Variants in CCDC34 observed in about 807,000 individuals in gnomAD.
CCDC34 encodes the protein coiled-coil domain-containing protein 34.
A neutral mutation model predicts 44.1 loss-of-function variants in CCDC34; 40 were observed. The ratio of observed to expected loss-of-function variants is 0.91; its 90% confidence interval spans 0.70 to 1.18. The LOEUF (loss-of-function observed/expected upper bound fraction) is 1.18. Among genes scored for constraint, CCDC34 ranks in the 50% most tolerant of loss-of-function variants. CCDC34 has a pLI of 0.00. For synonymous variants in CCDC34, 159 were observed against 158.2 expected, an observed-to-expected ratio of 1.01 and a Z score of -0.04; for missense variants, 466 against 452.3, an observed-to-expected ratio of 1.03 and a Z score of -0.28.
chr11:27,351,939 G>A (rs1862507563), intron 2 of CCDC34, among the ~76,000 whole-genome samples: 1 of 152,084 alleles, frequency 6.6e-6, no homozygotes, highest in African/African-American at 2.4e-5. Context: ...AAAGTAAAGT[G>A]AACTATATGA....
At position 27,363,122 on chromosome 11, in the gene CCDC34, TG is replaced by T; in HGVS notation, c.72del (p.Arg25GlyfsTer13). The T allele has an allele frequency of 1.3e-6, 2 of 1,577,346 alleles. No individual in the cohort carries two copies. Among genetic ancestry groups the T allele is most frequent in the Non-Finnish European group, 1.7e-6 (2 of 1,161,722 alleles). On this transcript the variant is annotated frameshift_variant, in exon 1 of 6. Transcript: ENST00000328697. LOFTEE classifies it high-confidence loss of function. ...SYAGFSADCRPRSRPSSDSCS... is the reference protein window; with the variant it reads ...SYAGFSADCRXRSRPSSDSCS... The stretch of plus-strand genomic sequence containing the variant: ...CAGGAGTCCGAGGAGGGCCGAGACC[TG>T]GGTCTGCAGTCAGCAGAGAAACCGG...
chr11:27,349,330 T>A, intron 3 of CCDC34: 1 of 900,272 alleles, frequency 1.1e-6, no homozygotes, highest in Non-Finnish European at 1.3e-6. Flanking sequence ...ACAAAGTAAT[T>A]GACTTCTAAA....
chr11:27,344,683 A>C (rs1169419325), intron 3 of CCDC34, among the ~76,000 whole-genome samples: 1 of 152,056 alleles, frequency 6.6e-6, no homozygotes, highest in Non-Finnish European at 1.5e-5. Flanking sequence ...AAATTAAAGA[A>C]GACATAAATA....
rs865800545 is a variant in CCDC34, at chr11:27,360,373, G to A, written c.359+2463C>T. 1.8e-4 allele frequency among the ~76,000 whole-genome samples: 27 copies of A among 152,224 alleles called. No individual in the cohort carries two copies. In the South Asian group the frequency reaches 4.8e-3, roughly 27 times the overall value. ...GAAGGTCAATGCATCCTCTAAACATGGCACTATTTATACCAAAAATACCTT... is the reference window on the plus strand; with the variant it reads ...GAAGGTCAATGCATCCTCTAAACATAGCACTATTTATACCAAAAATACCTT... On this transcript the variant is annotated intron_variant, in intron 1 of 5. Transcript: ENST00000328697.
intron 1 of CCDC34, among the ~76,000 whole-genome samples, chr11:27,361,077 T>G (rs899276923): frequency 6.6e-6 from 1 of 152,248 alleles, no homozygotes; most frequent in African/African-American, 2.4e-5. Flanking sequence ...AAACGTTTAT[T>G]GAGCACCTAA....
chr11:27,345,620 A>T (rs12804551), intron 3 of CCDC34, among the ~76,000 whole-genome samples: 2 of 151,684 alleles, frequency 1.3e-5, no homozygotes, highest in African/African-American at 4.8e-5. Context: ...TGAACTCATC[A>T]TTTTTTATGG....
chr11:27,343,309 G>A (rs1862389700), intron 3 of CCDC34, among the ~76,000 whole-genome samples: 1 of 151,994 alleles, frequency 6.6e-6, no homozygotes, highest in African/African-American at 2.4e-5. Flanking sequence ...GGCTGAGGCA[G>A]GAGAATTGCT....
At chr11:27,345,489 T>C (rs1349312098) in intron 3 of CCDC34, among the ~76,000 whole-genome samples, 1 of 152,102 alleles carries the variant, frequency 6.6e-6, no homozygotes, top group Non-Finnish European at 1.5e-5. Flanking sequence ...CCTGTGTCCA[T>C]GTGTTCTCAT....
At chr11:27,355,628 T>C (rs1862564292) in intron 2 of CCDC34, among the ~76,000 whole-genome samples, 1 of 152,210 alleles carries the variant, frequency 6.6e-6, no homozygotes, top group Non-Finnish European at 1.5e-5. Context: ...TATTATTTTA[T>C]TCCTCTTAAG....
In CCDC34 at chr11:27,362,992, G is replaced by C; in HGVS notation, c.203C>G (p.Ser68Cys). Residue 68 changes from serine to cysteine, a missense_variant, in exon 1 of 6, where the codon TCT becomes TGT. By Grantham distance (112) the Ser-to-Cys change is moderately radical. Transcript: ENST00000328697. ...SCSNSTRSLL[S>C]PLGHQSFQFD... ...CTGGAAGCTCTGGTGGCCAAGGGGAGACAACAGCGACCTGGTGGAATTGCT... is the reference window on the plus strand; with the variant it reads ...CTGGAAGCTCTGGTGGCCAAGGGGACACAACAGCGACCTGGTGGAATTGCT... 1 of 1,614,174 alleles carries C rather than the reference G, an allele frequency of 6.2e-7. No homozygotes were observed. Among genetic ancestry groups the C allele is most frequent in the Non-Finnish European group, 8.5e-7 (1 of 1,180,018 alleles).
In CCDC34 at chr11:27,338,897, T is replaced by A. The variant is rs1369607714; in HGVS notation, c.1046A>T (p.His349Leu). Reference protein sequence around the residue: ...KSKRPVISQPHKSSSLVIHKA... With the variant: ...KSKRPVISQPLKSSSLVIHKA... The stretch of plus-strand genomic sequence containing the variant: ...ATGAATTACCAGAGATGATGACTTG[T>A]GTGGCTGACTTATCACAGGTCTTTT... Residue 349 changes from histidine to leucine, a missense_variant, in exon 6 of 6, where the codon CAC (histidine) becomes CTC (leucine). By Grantham distance (99) the His-to-Leu change is moderately conservative (BLOSUM62 -3). Transcript: ENST00000328697. The A allele has an allele frequency of 6.2e-7, 1 of 1,613,970 alleles. No homozygotes were observed. The highest frequency in any genetic ancestry group is 8.5e-7 in the Non-Finnish European group (1 of 1,179,920).
In CCDC34 at chr11:27,341,411, T is replaced by A. The variant is rs1372357301; in HGVS notation, c.746A>T (p.Glu249Val). ...WLKKKNAEEC[E>V]RKKKEKEKEK... ...AAATACCTTTTCTTTCTTCTTCCTC[T>A]CACATTCTTCAGCATTTTTTTTCTT... The change falls in exon 4 of 6, where the codon GAG becomes GTG. Residue 249 changes from glutamate (E) to valine (V), a missense_variant. Transcript: ENST00000328697. 6.8e-7 allele frequency: 1 copy of A among 1,463,266 alleles called. No homozygotes were observed. Among genetic ancestry groups the A allele is most frequent in the Admixed American group, 2.3e-5 (1 of 43,188 alleles). The allele number at this position is 1,463,266 out of a possible 1,614,324, so 90.6% of individuals were successfully genotyped here.
Position 27,341,414 on chromosome 11 carries a change from C to T in CCDC34, c.743G>A (p.Cys248Tyr). Residue 248 changes from cysteine to tyrosine, a missense_variant, in exon 4 of 6, where the codon TGT becomes TAT. Physicochemically the swap from Cys to Tyr is radical, Grantham distance 194 (BLOSUM62 -2). Coordinates refer to ENST00000328697, the MANE Select transcript of CCDC34 (RefSeq NM_030771.2). The part of the protein sequence containing the change: ...EWLKKKNAEE[C>Y]ERKKKEKEKE... ...TACCTTTTCTTTCTTCTTCCTCTCA[C>T]ATTCTTCAGCATTTTTTTTCTTTAA... is the stretch of plus-strand genomic sequence containing the variant. The T allele has an allele frequency of 6.9e-7, 1 of 1,457,884 alleles. No homozygotes were observed. The highest frequency in any genetic ancestry group is 9.2e-7 in the Non-Finnish European group (1 of 1,082,556). The allele number at this position is 1,457,884 out of a possible 1,614,324, so 90.3% of individuals were successfully genotyped here.
Position 27,362,918 on chromosome 11 carries a change from C to T in CCDC34, c.277G>A (p.Glu93Lys), listed in dbSNP as rs1425924009. 6.3e-7 allele frequency: 1 copy of T among 1,592,114 alleles called. No individual in the cohort carries two copies. The highest frequency in any genetic ancestry group is 1.6e-5 in the African/African-American group (1 of 62,508). Residue 93 changes from glutamate (E) to lysine (K), a missense_variant, in exon 1 of 6, where the codon GAG (glutamate) becomes AAG (lysine). By Grantham distance (56) the Glu-to-Lys change is moderately conservative. Transcript: ENST00000328697. ...DGEDEEDVDDEEDVDEDAHDS... is the reference protein window; with the variant it reads ...DGEDEEDVDDKEDVDEDAHDS... The stretch of plus-strand genomic sequence containing the variant: ...TGGGCATCTTCATCCACGTCTTCCT[C>T]ATCATCCACGTCTTCCTCATCCTCC...
intron 3 of CCDC34, among the ~76,000 whole-genome samples, chr11:27,347,470 T>A (rs1273038886): frequency 6.6e-6 from 1 of 152,102 alleles, no homozygotes; most frequent in Non-Finnish European, 1.5e-5. Context: ...CAATTGTCCA[T>A]CAACTAGTGA....
At chr11:27,356,346 A>C (rs1372608468) in intron 2 of CCDC34, among the ~76,000 whole-genome samples, 1 of 151,936 alleles carries the variant, frequency 6.6e-6, no homozygotes, top group Non-Finnish European at 1.5e-5. Flanking sequence ...AGCAACAGTT[A>C]CTAATAGACT....
At chr11:27,351,750 G>C (rs1467446547) in intron 2 of CCDC34, among the ~76,000 whole-genome samples, 2 of 152,300 alleles carry the variant, frequency 1.3e-5, no homozygotes, top group Admixed American at 1.3e-4. Context: ...GAAGGGAAGG[G>C]AAGATGAGGA....
At position 27,363,067 on chromosome 11, in the gene CCDC34, T is replaced by C; in HGVS notation, c.128A>G (p.Gln43Arg). Residue 43 changes from glutamine (Q) to arginine (R), a missense_variant, in exon 1 of 6, where the codon CAG (glutamine) becomes CGG (arginine). Physicochemically the swap from Gln to Arg is conservative, Grantham distance 43. Coordinates refer to ENST00000328697, the MANE Select transcript of CCDC34 (RefSeq NM_030771.2). Reference sequence around the variant, plus strand: ...CGGCGAGCGCACCACCTCCAGCCCCTGCCCACGTGCGCCCGTCATAGGGAC... The same window carrying C: ...CGGCGAGCGCACCACCTCCAGCCCCCGCCCACGTGCGCCCGTCATAGGGAC... ...CSVPMTGARG[Q>R]GLEVVRSPSP... is the part of the protein sequence containing the mutation. The C allele has an allele frequency of 6.2e-7, 1 of 1,612,648 alleles. No individual in the cohort carries two copies. Among genetic ancestry groups the C allele is most frequent in the Non-Finnish European group, 8.5e-7 (1 of 1,179,396 alleles).
At chr11:27,341,676 G>T in intron 3 of CCDC34, 126 bp from the exon 4 acceptor site, 1 of 520,610 alleles carries the variant, frequency 1.9e-6, no homozygotes, top group African/African-American at 2.0e-5. Flanking sequence ...TATCATGGCA[G>T]TTGGCACAAC....
Sources: allele counts gnomAD v4.1 joint callset (sites outside exome capture counted in the v4.1 genomes callset), GRCh38; gene constraint gnomAD v4.1.1; transcripts MANE v1.5; gene names NCBI Gene and HGNC (gene_info 2026-07-23, HGNC 2026-07-21).